Variants in SGCZ observed in about 807,000 individuals in gnomAD.
SGCZ encodes sarcoglycan zeta.
SGCZ carries 40 observed loss-of-function variants against 41.3 expected under a neutral mutation model. The ratio of observed to expected loss-of-function variants is 0.97; its 90% CI spans 0.75 to 1.26. The LOEUF (loss-of-function observed/expected upper bound fraction) is 1.26, where lower values mean the gene tolerates loss of function less well. Ranked by LOEUF, SGCZ falls within the 50% of genes most tolerant of loss-of-function variation. The pLI, the probability that SGCZ is intolerant of heterozygous loss-of-function variation, is 0.00. For synonymous variants in SGCZ, 206 were observed against 137.5 expected, an observed-to-expected ratio of 1.50 and a Z score of -3.49; for missense variants, 552 against 369.8, an observed-to-expected ratio of 1.49 and a Z score of -4.04.
chr8:15,028,046 A>G (rs757369646), intron 1 of SGCZ, among the ~76,000 whole-genome samples: 1 of 152,098 alleles, frequency 6.6e-6, no homozygotes, highest in African/African-American at 2.4e-5. Flanking sequence ...TTTTGAACTC[A>G]GTTACCACTG....
intron 1 of SGCZ, among the ~76,000 whole-genome samples, chr8:14,842,707 G>A (rs909162464): frequency 6.6e-6 from 1 of 152,110 alleles, no homozygotes; most frequent in Non-Finnish European, 1.5e-5. Context: ...TTAAGCCCTG[G>A]AAGTTACATG....
chr8:14,603,800 G>C (rs1805665188), intron 1 of SGCZ, among the ~76,000 whole-genome samples: 1 of 152,088 alleles, frequency 6.6e-6, no homozygotes, highest in African/African-American at 2.4e-5. Flanking sequence ...TTAGTTTCCT[G>C]AGATCGGGAC....
At chr8:14,498,139 T>C (rs1348798728) in intron 2 of SGCZ, among the ~76,000 whole-genome samples, 5 of 152,206 alleles carry the variant, frequency 3.3e-5, no homozygotes, top group Non-Finnish European at 5.9e-5. Flanking sequence ...GATTTGAATG[T>C]CAATAATAAT....
chr8:15,226,611 T>A (rs1585694428), intron 1 of SGCZ, among the ~76,000 whole-genome samples: 1 of 151,850 alleles, frequency 6.6e-6, no homozygotes, highest in African/African-American at 2.4e-5. Context: ...TGTCCCAGTT[T>A]CCACTCTTTC....
intron 1 of SGCZ, among the ~76,000 whole-genome samples, chr8:14,744,039 A>G (rs1238342623): frequency 6.6e-6 from 1 of 152,132 alleles, no homozygotes. Context: ...GGCTGAGCCC[A>G]CAGTTACAGG....
chr8:14,617,498 C>A (rs1806143157), intron 1 of SGCZ, among the ~76,000 whole-genome samples: 1 of 152,034 alleles, frequency 6.6e-6, no homozygotes, highest in South Asian at 2.1e-4. Flanking sequence ...TTTTATCTGC[C>A]TTAAAATGTT....
At chr8:14,274,402 TAC>T (rs1257079808) in intron 3 of SGCZ, among the ~76,000 whole-genome samples, 6 of 152,184 alleles carry the variant, frequency 3.9e-5, no homozygotes, top group Non-Finnish European at 7.4e-5. Flanking sequence ...CTAAGCTGTG[TAC>T]AAGTCGTTGG....
rs552998656 is a variant in SGCZ, at chr8:14,807,923, G to A, written c.40-252997C>T. On this transcript the variant is annotated intron_variant, in intron 1 of 7. Transcript: ENST00000382080. ...ACAGAACAGAGCCCTCAGAAATAAC[G>A]CCGCATATCTACAACTATCTGATCT... is the stretch of plus-strand genomic sequence containing the variant. Among the ~76,000 whole-genome samples the A allele has an allele frequency of 5.1e-4, 77 of 151,842 alleles. No individual in the cohort carries two copies. The East Asian group carries it at 0.013, about 25-fold the overall frequency.
chr8:14,597,573 A>G (rs891524332), intron 1 of SGCZ, among the ~76,000 whole-genome samples: 2 of 152,028 alleles, frequency 1.3e-5, no homozygotes, highest in African/African-American at 4.8e-5. Context: ...GGTTCAAGTG[A>G]TACTCCCTTT....
intron 2 of SGCZ, among the ~76,000 whole-genome samples, chr8:14,489,003 G>A (rs909165659): frequency 6.8e-6 from 1 of 147,836 alleles, no homozygotes; most frequent in Non-Finnish European, 1.5e-5. Context: ...TAATATATAT[G>A]TATATATATA....
chr8:15,061,220 C>T (rs111415037), intron 1 of SGCZ, among the ~76,000 whole-genome samples: 128 of 138,500 alleles, frequency 9.2e-4, no homozygotes, highest in Non-Finnish European at 1.7e-3. Context: ...GTCATGAAGG[C>T]GGAACTCTCA....
chr8:14,895,828 T>C (rs1295149814), intron 1 of SGCZ, among the ~76,000 whole-genome samples: 1 of 152,236 alleles, frequency 6.6e-6, no homozygotes, highest in African/African-American at 2.4e-5. Context: ...TATCTAATGC[T>C]GAGCCTCACT....
chr8:14,739,772 A>G (rs374628511), intron 1 of SGCZ, among the ~76,000 whole-genome samples: 1 of 152,062 alleles, frequency 6.6e-6, no homozygotes, highest in Admixed American at 6.6e-5. Context: ...GGGAAAGGAC[A>G]CTTTCTAATG....
intron 1 of SGCZ, among the ~76,000 whole-genome samples, chr8:14,601,927 G>C (rs11997274): frequency 6.6e-5 from 10 of 151,838 alleles, no homozygotes; most frequent in Non-Finnish European, 1.2e-4. Flanking sequence ...GAGACCATCC[G>C]GGCTAACACG....
At chr8:14,507,780 T>G (rs11776160) in intron 2 of SGCZ, among the ~76,000 whole-genome samples, 5,294 of 101,904 alleles carry the variant, frequency 0.052, 147 homozygotes, top group Non-Finnish European at 0.08. Context: ...TTTTGTTTTT[T>G]TTTTTTTCGA....
chr8:14,571,507 C>A (rs1804555363), intron 1 of SGCZ, among the ~76,000 whole-genome samples: 2 of 152,104 alleles, frequency 1.3e-5, no homozygotes, highest in Admixed American at 1.3e-4. Context: ...TGTGTGGTGA[C>A]CAAAGCACAT....
At chr8:14,794,005 C>T (rs1240310717) in intron 1 of SGCZ, among the ~76,000 whole-genome samples, 1 of 152,138 alleles carries the variant, frequency 6.6e-6, no homozygotes, top group Non-Finnish European at 1.5e-5. Context: ...AACTGGAATA[C>T]TGTACTTTGG....
At chr8:14,157,605 A>T (rs1169202137) in intron 5 of SGCZ, among the ~76,000 whole-genome samples, 1 of 151,924 alleles carries the variant, frequency 6.6e-6, no homozygotes, top group Non-Finnish European at 1.5e-5. Context: ...TAAAAAAAAA[A>T]CATGGTCAGT....
intron 5 of SGCZ, among the ~76,000 whole-genome samples, chr8:14,122,058 C>A (rs1274256288): frequency 6.6e-6 from 1 of 152,106 alleles, no homozygotes; most frequent in African/African-American, 2.4e-5. Flanking sequence ...GCGGGCAGAT[C>A]CCAAGGTCAG....
Sources: allele counts gnomAD v4.1 joint callset (sites outside exome capture counted in the v4.1 genomes callset), GRCh38; gene constraint gnomAD v4.1.1; transcripts MANE v1.5; gene names NCBI Gene and HGNC (gene_info 2026-07-23, HGNC 2026-07-21).